KIF1B: variants seen among roughly 807,000 people sequenced by gnomAD.
KIF1B encodes the protein kinesin-like protein KIF1B.
Under a neutral mutation model 241.9 loss-of-function variants are expected in KIF1B, and 76 were observed. That is an observed-to-expected ratio of 0.31 (90% CI 0.26 to 0.38). The LOEUF (loss-of-function observed/expected upper bound fraction) is 0.38. Ranked by LOEUF, KIF1B falls within the 10% of genes least tolerant of loss-of-function variation. KIF1B has a pLI of 1.00. For missense variants in KIF1B, 1,622 were observed against 2,271.4 expected, an observed-to-expected ratio of 0.71 and a Z score of 5.81; for synonymous variants, 750 against 796.7, an observed-to-expected ratio of 0.94 and a Z score of 0.99.
intron 15 of KIF1B, among the ~76,000 whole-genome samples, chr1:10,288,996 C>T (rs1649853148): frequency 6.6e-6 from 1 of 152,170 alleles, no homozygotes; most frequent in Non-Finnish European, 1.5e-5. Flanking sequence ...TCGTTAGTAA[C>T]CTGTTATCAT....
At chr1:10,270,848 C>T (rs34276096) in intron 7 of KIF1B, among the ~76,000 whole-genome samples, 6,362 of 151,592 alleles carry the variant, frequency 0.042, 178 homozygotes, top group Non-Finnish European at 0.07. Flanking sequence ...ATCGTTTGAA[C>T]CCAGGAGGTG....
At chr1:10,316,913 T>G (rs1187556515) in intron 22 of KIF1B, among the ~76,000 whole-genome samples, 1 of 151,574 alleles carries the variant, frequency 6.6e-6, no homozygotes, top group Non-Finnish European at 1.5e-5. Context: ...TTTTTTTTGT[T>G]TTTTTGTTTT....
intron 17 of KIF1B, among the ~76,000 whole-genome samples, chr1:10,292,833 G>C (rs138997716): frequency 0.011 from 1,633 of 152,278 alleles, 34 homozygotes; most frequent in Non-Finnish European, 0.01. Flanking sequence ...TTATGTATCA[G>C]AAAATAGGAG....
At chr1:10,290,955 G>T in intron 15 of KIF1B, 127 bp from the exon 16 acceptor site, 1 of 692,294 alleles carries the variant, frequency 1.4e-6, no homozygotes. Context: ...ATTAATAAAA[G>T]AAAAATCTCT....
chr1:10,212,681 C>T (rs976287184), intron 1 of KIF1B, among the ~76,000 whole-genome samples: 1 of 151,766 alleles, frequency 6.6e-6, no homozygotes, highest in African/African-American at 2.4e-5. Flanking sequence ...CTCAGGAGTT[C>T]GAGACCACCC....
At position 10,381,521 on chromosome 1, in the gene KIF1B, TCTAA is replaced by T. The variant is rs757381082; in HGVS notation, c.*4937_*4940del. On this transcript the variant is annotated 3_prime_UTR_variant, in exon 49 of 49. Transcript: ENST00000676179. ...CCTTAGATGTGCAATGCAGACACTA[TCTAA>T]CTGTGTGTGGTAACCTTGCGTCACG... The T allele has an allele frequency of 2.6e-4, 53 of 201,486 alleles. No homozygotes were observed. Among genetic ancestry groups the T allele is most frequent in the Non-Finnish European group, 3.5e-4 (34 of 97,482 alleles). The allele number at this position is 201,486 out of a possible 1,614,324, so 12.5% of individuals were successfully genotyped here.
chr1:10,219,493 A>G (rs1571085385), intron 1 of KIF1B, among the ~76,000 whole-genome samples: 2 of 151,784 alleles, frequency 1.3e-5, no homozygotes, highest in Non-Finnish European at 2.9e-5. Flanking sequence ...CTTATGGCTC[A>G]CGCCTGTAAT....
rs141061656 is a variant in KIF1B at position 10,295,044 on chromosome 1, A to ATGG, written c.1591-39_1591-37dup. On this transcript the variant is annotated intron_variant, in intron 17 of 48. Coordinates refer to ENST00000676179, the MANE Select transcript of KIF1B (RefSeq NM_001365951.3). ...CCCCTGTTGTTACCACAGCTCTCTC[A>ATGG]TGGTGCCCTGCTCCAAATTGATCAT... 4,581 of 1,320,790 alleles carry ATGG rather than the reference A, an allele frequency of 3.5e-3. 137 individuals are homozygous for ATGG. The African/African-American group carries it at 0.059, about 17-fold the overall frequency. 81.8% of individuals were successfully genotyped at this position (1,320,790 alleles called of 1,614,324 possible). A position where few individuals can be genotyped will look rare whatever the true frequency, so the allele number is the denominator to read the frequency against.
At chr1:10,302,566 C>T (rs914994714) in intron 22 of KIF1B, among the ~76,000 whole-genome samples, 1 of 152,148 alleles carries the variant, frequency 6.6e-6, no homozygotes, top group African/African-American at 2.4e-5. Flanking sequence ...TTTTCTAGGG[C>T]TGCTCTTTTT....
intron 22 of KIF1B, among the ~76,000 whole-genome samples, chr1:10,316,055 CAAAA>C (rs1308346575): frequency 3.9e-5 from 1 of 25,814 alleles, no homozygotes. Context: ...AACTCCATCT[CAAAA>C]AAAAAAAAAA....
At position 10,259,080 on chromosome 1, in the gene KIF1B, C is replaced by T. The variant is rs187410900; in HGVS notation, c.363+408C>T. Among the ~76,000 whole-genome samples the T allele has an allele frequency of 1.5e-3, 222 of 150,030 alleles. 1 individual carries two copies. The highest frequency in any genetic ancestry group is 4.4e-3 in the African/African-American group (182 of 40,922). ...TTTTGGTTTTTTTGATAGCCTTATT[C>T]GGAGATACTTTCATTTTATTTTCCT... On this transcript the variant is annotated intron_variant, in intron 4 of 48. Transcript: ENST00000676179.
intron 28 of KIF1B, 100 bp from the exon 29 acceptor site, chr1:10,336,557 T>C: frequency 1.1e-6 from 1 of 922,528 alleles, no homozygotes; most frequent in Admixed American, 1.7e-5. Flanking sequence ...TATCATTCTC[T>C]CATGCCAAAG....
rs150904940 is a variant in KIF1B, at chr1:10,334,580, C to T, written c.2985C>T (p.Ile995=). ...TGCCCCTGATCCACAGGGTGGCCAT[C>T]GTCAGTGAGAAAGGTGAAGTGCGGG... ...YPVPLIHRVA[I]VSEKGEVRGF... Residue 995 remains isoleucine, a synonymous_variant, in exon 28 of 49, where the codon ATC becomes ATT. Transcript: ENST00000676179. 462 of 1,613,952 alleles carry T rather than the reference C, an allele frequency of 2.9e-4. No individual in the cohort carries two copies. The highest frequency in any genetic ancestry group is 3.6e-4 in the Non-Finnish European group (427 of 1,179,958).
At chr1:10,328,257 A>C (rs1414509737) in intron 27 of KIF1B, among the ~76,000 whole-genome samples, 1 of 152,224 alleles carries the variant, frequency 6.6e-6, no homozygotes, top group Non-Finnish European at 1.5e-5. Flanking sequence ...TCGGAACCTC[A>C]TAACTAAATT....
At chr1:10,220,416 TA>T (rs1173821172) in intron 1 of KIF1B, among the ~76,000 whole-genome samples, 3 of 147,792 alleles carry the variant, frequency 2.0e-5, no homozygotes, top group Non-Finnish European at 4.5e-5. Flanking sequence ...GATAGATAGA[TA>T]GATAGATAGA....
At chr1:10,233,534 T>A (rs1236779829) in intron 2 of KIF1B, among the ~76,000 whole-genome samples, 1 of 151,976 alleles carries the variant, frequency 6.6e-6, no homozygotes, top group African/African-American at 2.4e-5. Context: ...AATTTAAAAG[T>A]AGAAGGCTAA....
chr1:10,272,309 A>G lies in KIF1B; in HGVS notation c.864+3A>G. On this transcript the variant is annotated splice_donor_region_variant and intron_variant, in intron 9 of 48. Coordinates refer to ENST00000676179, the MANE Select transcript of KIF1B (RefSeq NM_001365951.3). ...TCATTTCAGCCTTGGCCGAGGTGGT[A>G]AGTTTTATACTTCATTATAAGGGGA... is the stretch of plus-strand genomic sequence containing the variant. The G allele has an allele frequency of 6.3e-7, 1 of 1,582,316 alleles. No individual in the cohort carries two copies. Among genetic ancestry groups the G allele is most frequent in the Non-Finnish European group, 8.7e-7 (1 of 1,151,104 alleles).
In KIF1B at chr1:10,350,860, G is replaced by C. The variant is rs562056592; in HGVS notation, c.3950-1771G>C. ...GCCTGTAATCCCAGCACTTTGGGAG[G>C]CCAAGGCAGGCGGATCACTTAAGTT... On this transcript the variant is annotated intron_variant, in intron 37 of 48. Coordinates refer to ENST00000676179, the MANE Select transcript of KIF1B (RefSeq NM_001365951.3). Among the ~76,000 whole-genome samples, 607 of 152,304 alleles carry C rather than the reference G, an allele frequency of 4.0e-3. 3 individuals carry two copies. Among genetic ancestry groups the C allele is most frequent in the African/African-American group, 0.014 (587 of 41,572 alleles).
rs764351743 is a variant in KIF1B at position 10,347,843 on chromosome 1, C to T, written c.3864+16C>T. Reference sequence around the variant, plus strand: ...GCTTCATCAGGTACTAATGAGGGACCAAAACAGGCATCGGAGGGAACACTG... The same window carrying T: ...GCTTCATCAGGTACTAATGAGGGACTAAAACAGGCATCGGAGGGAACACTG... On this transcript the variant is annotated intron_variant, in intron 36 of 48. Coordinates refer to ENST00000676179, the MANE Select transcript of KIF1B (RefSeq NM_001365951.3). The T allele has an allele frequency of 4.4e-6, 7 of 1,594,500 alleles. No individual in the cohort carries two copies. Among genetic ancestry groups the T allele is most frequent in the Non-Finnish European group, 5.2e-6 (6 of 1,162,600 alleles).
Sources: gnomAD v4.1 joint callset for allele counts (sites outside exome capture counted in the v4.1 genomes callset) on GRCh38, gnomAD v4.1.1 for gene constraint, MANE v1.5 for transcripts, NCBI Gene and HGNC (gene_info 2026-07-23, HGNC 2026-07-21) for gene names.